The following TRPC1 variants were observed in gnomAD, a reference collection of about 807,000 sequenced individuals.
TRPC1 encodes the protein transient receptor potential cation channel subfamily C member 1.
Under a neutral mutation model 88.2 loss-of-function variants are expected in TRPC1, and 42 were observed. The observed-to-expected ratio is 0.48, with a 90% confidence interval of 0.37 to 0.62. The LOEUF (loss-of-function observed/expected upper bound fraction) is 0.62. TRPC1 is among the 20% of genes least tolerant of loss of function. The pLI is 0.00. For missense variants in TRPC1, 699 were observed against 957.3 expected (o/e 0.73, Z 3.56); for synonymous variants, 288 against 331.8 (o/e 0.87, Z 1.43).
chr3:142,742,321 C>CTTTAA (rs1314344788), intron 2 of TRPC1, among the ~76,000 whole-genome samples: 7 of 152,090 alleles, frequency 4.6e-5, no homozygotes, highest in Admixed American at 4.6e-4. Context: ...GCATAGGCCA[C>CTTTAA]AGCTCAATGA....
chr3:142,732,966 C>CTTT (rs59126201), intron 1 of TRPC1, among the ~76,000 whole-genome samples: 2 of 144,182 alleles, frequency 1.4e-5, no homozygotes, highest in Non-Finnish European at 3.1e-5. Context: ...GTGTTCTGGT[C>CTTT]TTTTTTTTTT....
At chr3:142,740,800 C>T (rs572553998) in intron 2 of TRPC1, among the ~76,000 whole-genome samples, 13 of 152,098 alleles carry the variant, frequency 8.5e-5, no homozygotes, top group Non-Finnish European at 1.2e-4. Context: ...AAGAAGAAAA[C>T]GAGTGGTAAG....
Position 142,743,680 on chromosome 3 carries a change from G to GT in TRPC1, c.429+100dup, listed in dbSNP as rs1934435462. On this transcript the variant is annotated intron_variant, in intron 3 of 12. Transcript: ENST00000476941. ...TTTTTCCTTCCCTCAAATTTATTTT[G>GT]TTTTTTCAAAAAATAGATATTTTTT... The GT allele has an allele frequency of 1.2e-5, 9 of 729,692 alleles. No individual in the cohort carries two copies. In the Middle Eastern group the frequency reaches 1.5e-3, roughly 120 times the overall value. 45.2% of individuals were successfully genotyped at this position (729,692 alleles called of 1,614,324 possible).
chr3:142,738,642 C>A (rs1934229235), intron 2 of TRPC1, among the ~76,000 whole-genome samples: 2 of 152,090 alleles, frequency 1.3e-5, no homozygotes, highest in African/African-American at 4.8e-5. Flanking sequence ...TGGGTAGAGG[C>A]TCCTACAATA....
rs1422415739 is a variant in TRPC1, at chr3:142,806,142, A to AC, written c.2290dup (p.Leu764ProfsTer11). 1 of 1,613,768 alleles carries AC rather than the reference A, an allele frequency of 6.2e-7. No individual in the cohort carries two copies. Among genetic ancestry groups the AC allele is most frequent in the African/African-American group, 1.3e-5 (1 of 74,914 alleles). On this transcript the variant is annotated frameshift_variant, in exon 13 of 13. Coordinates refer to ENST00000476941, the MANE Select transcript of TRPC1 (RefSeq NM_001251845.2). LOFTEE classifies it high-confidence loss of function. Reference sequence around the variant, plus strand: ...AGGCAACTGTGGAAAATCTAAACGAACTGCGCCAAGATCTGTCAAAATTCC... The same window carrying AC: ...AGGCAACTGTGGAAAATCTAAACGAACCTGCGCCAAGATCTGTCAAAATTCC...
At position 142,807,302 on chromosome 3, in the gene TRPC1, C is replaced by T. The variant is rs143258884; in HGVS notation, c.*1067C>T. ...TTCTATAAAAGTGACTTCATGCTTA[C>T]TTGTGGATCATTCTTGCTGCTTAAG... On this transcript the variant is annotated 3_prime_UTR_variant, in exon 13 of 13. Coordinates refer to ENST00000476941, the MANE Select transcript of TRPC1 (RefSeq NM_001251845.2). 1 of 152,232 alleles carries T rather than the reference C, an allele frequency of 6.6e-6. No homozygotes were observed. Among genetic ancestry groups the T allele is most frequent in the East Asian group, 1.9e-4 (1 of 5,188 alleles). 9.4% of individuals were successfully genotyped at this position (152,232 alleles called of 1,614,324 possible). A position where few individuals can be genotyped will look rare whatever the true frequency, so the allele number is the denominator to read the frequency against.
At chr3:142,795,972 A>T (rs941577326) in intron 9 of TRPC1, among the ~76,000 whole-genome samples, 2 of 152,186 alleles carry the variant, frequency 1.3e-5, no homozygotes, top group African/African-American at 4.8e-5. Flanking sequence ...GAATCTGTAC[A>T]TAATTGTGGT....
At chr3:142,793,044 A>G in intron 9 of TRPC1, 77 bp downstream of exon 9, 1 of 1,259,280 alleles carries the variant, frequency 7.9e-7, no homozygotes, top group Non-Finnish European at 1.1e-6. Context: ...CCAGTGGAAT[A>G]CTGTTCTCTC....
intron 7 of TRPC1, among the ~76,000 whole-genome samples, chr3:142,788,526 A>G (rs111887407): frequency 2.1e-4 from 32 of 152,086 alleles, no homozygotes; most frequent in African/African-American, 7.5e-4. Flanking sequence ...AGCCTTTGAG[A>G]TATTTTTTAA....
At chr3:142,747,586 A>T (rs1030530626) in intron 3 of TRPC1, among the ~76,000 whole-genome samples, 5 of 152,140 alleles carry the variant, frequency 3.3e-5, no homozygotes, top group African/African-American at 1.2e-4. Context: ...CTTCGTGGGG[A>T]TTATAATGCT....
At chr3:142,761,382 A>G (rs925935678) in intron 4 of TRPC1, among the ~76,000 whole-genome samples, 1 of 152,152 alleles carries the variant, frequency 6.6e-6, no homozygotes, top group Admixed American at 6.5e-5. Context: ...CTATTGATAC[A>G]TATATGTTGA....
intron 1 of TRPC1, among the ~76,000 whole-genome samples, chr3:142,726,082 ATTAT>A (rs1339006440): frequency 1.3e-5 from 2 of 152,206 alleles, no homozygotes; most frequent in East Asian, 3.8e-4. Context: ...ATTATGTAAA[ATTAT>A]TTAGTATTGC....
intron 2 of TRPC1, among the ~76,000 whole-genome samples, chr3:142,740,198 T>A (rs2108028730): frequency 6.6e-6 from 1 of 152,338 alleles, no homozygotes; most frequent in Non-Finnish European, 1.5e-5. Context: ...TTGACAAATC[T>A]TAGTGAATAT....
chr3:142,796,466 T>C (rs1012929634), intron 9 of TRPC1, among the ~76,000 whole-genome samples: 1 of 151,904 alleles, frequency 6.6e-6, no homozygotes, highest in Non-Finnish European at 1.5e-5. Context: ...CCTTTTTTCC[T>C]TATTTCCTTA....
In TRPC1 at chr3:142,804,632, T is replaced by TAA; in HGVS notation, c.2154+3_2154+4dup. ...GTCAAACGGCAAAACAGTTTAAAGG[T>TAA]AAGAAATTAGAAGCTTGAATGGCAA... On this transcript the variant is annotated splice_region_variant and intron_variant, in intron 12 of 12. Transcript: ENST00000476941. 6.3e-7 allele frequency: 1 copy of TAA among 1,588,072 alleles called. No individual in the cohort carries two copies. The highest frequency in any genetic ancestry group is 8.5e-7 in the Non-Finnish European group (1 of 1,171,568).
intron 9 of TRPC1, among the ~76,000 whole-genome samples, chr3:142,799,240 AT>A (rs1204035229): frequency 1.3e-5 from 2 of 152,120 alleles, no homozygotes; most frequent in African/African-American, 4.8e-5. Context: ...TAGTATTAAT[AT>A]TTTAATTACC....
At chr3:142,796,774 C>G (rs916736385) in intron 9 of TRPC1, among the ~76,000 whole-genome samples, 2 of 151,974 alleles carry the variant, frequency 1.3e-5, no homozygotes, top group African/African-American at 4.8e-5. Context: ...GTTACTGGTA[C>G]TAAGTAGTGA....
At chr3:142,788,056 G>A (rs1379823843) in intron 7 of TRPC1, among the ~76,000 whole-genome samples, 1 of 152,152 alleles carries the variant, frequency 6.6e-6, no homozygotes, top group Non-Finnish European at 1.5e-5. Flanking sequence ...GAAACATATT[G>A]TACCAGACCA....
chr3:142,799,785 G>A (rs1333461093), intron 9 of TRPC1, among the ~76,000 whole-genome samples: 1 of 152,096 alleles, frequency 6.6e-6, no homozygotes, highest in East Asian at 1.9e-4. Flanking sequence ...GGGAAACAGA[G>A]TGAAACTCTG....
Sources: allele counts gnomAD v4.1 joint callset (sites outside exome capture counted in the v4.1 genomes callset), GRCh38; gene constraint gnomAD v4.1.1; transcripts MANE v1.5; gene names NCBI Gene and HGNC (gene_info 2026-07-23, HGNC 2026-07-21).